The following PARD3B variants were observed in gnomAD, a reference collection of about 807,000 sequenced individuals.
PARD3B encodes the protein par-3 family cell polarity regulator beta.
In PARD3B, 103 loss-of-function variants were observed where a neutral mutation model predicts 130.2. That is an observed-to-expected ratio of 0.79 (90% confidence interval 0.67 to 0.93). The LOEUF (loss-of-function observed/expected upper bound fraction) is 0.93, where lower values mean the gene tolerates loss of function less well. PARD3B is among the 40% of genes least tolerant of loss of function. PARD3B has a pLI of 0.00. For synonymous variants in PARD3B, 583 were observed against 553.2 expected, an observed-to-expected ratio of 1.05 and a Z score of -0.76; for missense variants, 1,609 against 1,499.2, an observed-to-expected ratio of 1.07 and a Z score of -1.21.
At chr2:204,788,242 C>G (rs2042079162) in intron 2 of PARD3B, among the ~76,000 whole-genome samples, 1 of 152,192 alleles carries the variant, frequency 6.6e-6, no homozygotes, top group African/African-American at 2.4e-5. Context: ...TGATACTTTT[C>G]AAAGAAGATA....
At chr2:204,823,374 A>G (rs982573887) in intron 2 of PARD3B, among the ~76,000 whole-genome samples, 1 of 151,868 alleles carries the variant, frequency 6.6e-6, no homozygotes, top group Non-Finnish European at 1.5e-5. Context: ...CTCATTTTCA[A>G]TAAAATAATA....
chr2:204,970,628 A>T (rs2125174330), intron 3 of PARD3B, among the ~76,000 whole-genome samples: 1 of 152,116 alleles, frequency 6.6e-6, no homozygotes, highest in Non-Finnish European at 1.5e-5. Flanking sequence ...CCTTTTGATA[A>T]TTTTTTTCAG....
rs138257180 is a variant in PARD3B at position 205,061,403 on chromosome 2, GTGTT to G, written c.504+13719_504+13722del. On this transcript the variant is annotated intron_variant, in intron 4 of 22. Coordinates refer to ENST00000406610, the MANE Select transcript of PARD3B (RefSeq NM_001302769.2). ...TGATTTGCTGGTCAATTTCTGTCAA[GTGTT>G]TGTTTTCCTTCTTTTGGTCTCACTT... 8.3e-3 allele frequency among the ~76,000 whole-genome samples: 1,256 copies of G among 152,222 alleles called. 13 individuals carry two copies. Among genetic ancestry groups the G allele is most frequent in the African/African-American group, 0.028 (1,175 of 41,544 alleles).
Position 205,276,291 on chromosome 2 carries a change from C to T in PARD3B, c.2186-24239C>T, listed in dbSNP as rs2040944568. ...CCAGCAGGGCGCCTGGTGCTGACAG[C>T]CTTGGCAAACAACCTAGAGAGAAAA... On this transcript the variant is annotated intron_variant, in intron 16 of 22. Coordinates refer to ENST00000406610, the MANE Select transcript of PARD3B (RefSeq NM_001302769.2). This position sits in a 1 kb window ranked among gnomAD's most constrained non-coding sequence, Gnocchi z 5.0. 6.6e-6 allele frequency among the ~76,000 whole-genome samples: 1 copy of T among 152,164 alleles called. No homozygotes were observed. The highest frequency in any genetic ancestry group is 2.1e-4 in the South Asian group (1 of 4,830).
chr2:204,960,043 C>T (rs1485806648), intron 2 of PARD3B, among the ~76,000 whole-genome samples: 1 of 152,128 alleles, frequency 6.6e-6, no homozygotes, highest in Non-Finnish European at 1.5e-5. Flanking sequence ...AAAAGAAGTA[C>T]AGAAAGCTGT....
intron 3 of PARD3B, among the ~76,000 whole-genome samples, chr2:205,019,581 G>T (rs1696441021): frequency 6.6e-6 from 1 of 152,086 alleles, no homozygotes; most frequent in Non-Finnish European, 1.5e-5. Flanking sequence ...CAAACCTGTG[G>T]CACCACTTTA....
chr2:204,988,013 G>C (rs1693319221), intron 3 of PARD3B, among the ~76,000 whole-genome samples: 1 of 150,920 alleles, frequency 6.6e-6, no homozygotes, highest in Non-Finnish European at 1.5e-5. Flanking sequence ...TATGGCAAAA[G>C]AGAGAGAGAG....
chr2:204,724,459 C>G (rs951527900), intron 2 of PARD3B, among the ~76,000 whole-genome samples: 1 of 152,128 alleles, frequency 6.6e-6, no homozygotes, highest in African/African-American at 2.4e-5. Context: ...TTATTTGTGT[C>G]ATTCATCTAG....
rs1284732174 is a variant in PARD3B, at chr2:205,407,381, C to T, written c.2741+6258C>T. On this transcript the variant is annotated intron_variant, in intron 19 of 22. Transcript: ENST00000406610. This position sits in a 1 kb window ranked among gnomAD's most constrained non-coding sequence, Gnocchi z 4.1. ...ATATTCATTGCTAGAGATATGAACC[C>T]AGTGTTATATTCAAAGATGATTTCT... Among the ~76,000 whole-genome samples, 1 of 152,160 alleles carries T rather than the reference C, an allele frequency of 6.6e-6. No homozygotes were observed. Among genetic ancestry groups the T allele is most frequent in the Non-Finnish European group, 1.5e-5 (1 of 68,016 alleles).
chr2:205,146,685 C>T lies in PARD3B; in HGVS notation c.1435-12037C>T, dbSNP rs902620124. 2.6e-5 allele frequency among the ~76,000 whole-genome samples: 4 copies of T among 152,010 alleles called. No homozygotes were observed. The highest frequency in any genetic ancestry group is 9.7e-5 in the African/African-American group (4 of 41,392). On this transcript the variant is annotated intron_variant, in intron 10 of 22. Coordinates refer to ENST00000406610, the MANE Select transcript of PARD3B (RefSeq NM_001302769.2). The surrounding 1 kb of genome is among the most constrained non-coding windows in gnomAD (Gnocchi z 4.3). Reference sequence around the variant, plus strand: ...AATTGTTACATCATATTGTTTGTTCCTGAATCTTATGTTCATATAAAAGGA... The same window carrying T: ...AATTGTTACATCATATTGTTTGTTCTTGAATCTTATGTTCATATAAAAGGA...
In PARD3B at chr2:204,977,860, G is replaced by T. The variant is rs187646642; in HGVS notation, c.394+12537G>T. Among the ~76,000 whole-genome samples the T allele has an allele frequency of 4.1e-3, 614 of 151,510 alleles. 4 individuals carry two copies. The highest frequency in any genetic ancestry group is 6.5e-3 in the Non-Finnish European group (438 of 67,860). On this transcript the variant is annotated intron_variant, in intron 3 of 22. Coordinates refer to ENST00000406610, the MANE Select transcript of PARD3B (RefSeq NM_001302769.2). ...GAATAGGGAGCCTTTACCAGCTAAGGCCTGAAAGGGGAAAGAGGAGAAAAT... is the reference window on the plus strand; with the variant it reads ...GAATAGGGAGCCTTTACCAGCTAAGTCCTGAAAGGGGAAAGAGGAGAAAAT...
chr2:205,232,021 A>G (rs910728890), intron 15 of PARD3B, among the ~76,000 whole-genome samples: 5 of 152,258 alleles, frequency 3.3e-5, no homozygotes, highest in African/African-American at 1.2e-4. Flanking sequence ...AAGGTATGCA[A>G]GAGGCCATTG....
intron 19 of PARD3B, among the ~76,000 whole-genome samples, chr2:205,418,610 A>G (rs1298041905): frequency 6.6e-6 from 1 of 152,214 alleles, no homozygotes. Flanking sequence ...CAATGAAATC[A>G]TTAGATTCAA....
intron 4 of PARD3B, among the ~76,000 whole-genome samples, chr2:205,071,959 G>C (rs1221154730): frequency 1.9e-4 from 29 of 151,214 alleles, no homozygotes; most frequent in Non-Finnish European, 1.5e-4. Context: ...TTTTGTGCTT[G>C]TGTGACTCAT....
chr2:205,458,804 G>GA lies in PARD3B; in HGVS notation c.3044+18135dup, dbSNP rs1194744695. On this transcript the variant is annotated intron_variant, in intron 20 of 22. Transcript: ENST00000406610. The surrounding 1 kb of genome is among the most constrained non-coding windows in gnomAD (Gnocchi z 4.8). ...TAGACACAGTCCTTGAAAAGCTGTA[G>GA]AAATCTCAGGCTGATGATACCTTTC... is the stretch of plus-strand genomic sequence containing the variant. Among the ~76,000 whole-genome samples, 1 of 152,092 alleles carries GA rather than the reference G, an allele frequency of 6.6e-6. No homozygotes were observed. The highest frequency in any genetic ancestry group is 6.6e-5 in the Admixed American group (1 of 15,260).
intron 18 of PARD3B, among the ~76,000 whole-genome samples, chr2:205,306,272 C>T (rs1574653239): frequency 6.6e-6 from 1 of 152,134 alleles, no homozygotes; most frequent in Admixed American, 6.5e-5. Flanking sequence ...TTCTTTGAAC[C>T]ACTGTTTGTT....
chr2:204,702,741 A>G (rs2037953127), intron 2 of PARD3B, among the ~76,000 whole-genome samples: 1 of 151,794 alleles, frequency 6.6e-6, no homozygotes, highest in Non-Finnish European at 1.5e-5. Context: ...TACTTGGCTA[A>G]TTTTTTGTAT....
chr2:205,404,532 A>G (rs1357784406), intron 19 of PARD3B, among the ~76,000 whole-genome samples: 1 of 152,170 alleles, frequency 6.6e-6, no homozygotes, highest in Non-Finnish European at 1.5e-5. Context: ...ATAGCATTAT[A>G]TGTTGAACAT....
intron 18 of PARD3B, among the ~76,000 whole-genome samples, chr2:205,342,099 G>A (rs1030676125): frequency 6.6e-5 from 10 of 152,074 alleles, no homozygotes; most frequent in Non-Finnish European, 1.3e-4. Context: ...CTAGCACAGT[G>A]TCTGACAGAA....
Sources: allele counts gnomAD v4.1 joint callset (sites outside exome capture counted in the v4.1 genomes callset), GRCh38; gene constraint gnomAD v4.1.1; non-coding constraint Gnocchi (gnomAD v3.1); transcripts MANE v1.5; gene names NCBI Gene and HGNC (gene_info 2026-07-23, HGNC 2026-07-21).